The following PEAK1 variants were observed in gnomAD, a reference collection of about 807,000 sequenced individuals.
PEAK1 encodes the protein inactive tyrosine-protein kinase PEAK1.
Under a neutral mutation model 124.7 loss-of-function variants are expected in PEAK1, and 54 were observed. The ratio of observed to expected loss-of-function variants is 0.43; its 90% confidence interval spans 0.35 to 0.54. PEAK1 has a LOEUF of 0.54. Among genes scored for constraint, PEAK1 ranks in the 20% least tolerant of loss-of-function variants. The pLI, the probability that PEAK1 is intolerant of heterozygous loss-of-function variation, is 0.01. For missense variants in PEAK1, 2,046 were observed against 2,134.5 expected, an observed-to-expected ratio of 0.96 and a Z score of 0.82; for synonymous variants, 719 against 760.0, an observed-to-expected ratio of 0.95 and a Z score of 0.89.
chr15:77,109,663 C>T lies in PEAK1; in HGVS notation c.*4493G>A, dbSNP rs2050873747. 1 of 152,206 alleles carries T rather than the reference C, an allele frequency of 6.6e-6. No homozygotes were observed. The highest frequency in any genetic ancestry group is 2.1e-4 in the South Asian group (1 of 4,828). The allele number at this position is 152,206 out of a possible 1,614,324, so 9.4% of individuals were successfully genotyped here. A position where few individuals can be genotyped will look rare whatever the true frequency, so the allele number is the denominator to read the frequency against. On this transcript the variant is annotated 3_prime_UTR_variant, in exon 10 of 10. Coordinates refer to ENST00000682557, the MANE Select transcript of PEAK1 (RefSeq NM_001385026.1). ...AGCAGCACTTGGATTTGTCTCGGCA[C>T]AGCACTTTGGGCCTTTGAGAATATG... is the stretch of plus-strand genomic sequence containing the variant.
chr15:77,133,225 A>G lies in PEAK1; in HGVS notation c.3857T>C (p.Val1286Ala). ...LYRGLENREE[V>A]VGKIRSLHTD... Reference sequence around the variant, plus strand: ...ATGAAGGCTTCGGATTTTACCCACTACTTCCTCCCGATTCTCAAGTCCTCG... The same window carrying G: ...ATGAAGGCTTCGGATTTTACCCACTGCTTCCTCCCGATTCTCAAGTCCTCG... Residue 1286 changes from valine to alanine, a missense_variant, in exon 9 of 10, where the codon GTA (valine) becomes GCA (alanine). By Grantham distance (64) the Val-to-Ala change is moderately conservative. Coordinates refer to ENST00000682557, the MANE Select transcript of PEAK1 (RefSeq NM_001385026.1). The surrounding 1 kb of genome is among the most constrained non-coding windows in gnomAD (Gnocchi z 4.2). The G allele has an allele frequency of 1.9e-6, 3 of 1,613,976 alleles. No homozygotes were observed. Among genetic ancestry groups the G allele is most frequent in the Non-Finnish European group, 2.5e-6 (3 of 1,179,994 alleles).
At chr15:77,263,203 C>T (rs147455502) in intron 5 of PEAK1, among the ~76,000 whole-genome samples, 385 of 152,044 alleles carry the variant, frequency 2.5e-3, no homozygotes, top group South Asian at 5.6e-3. Flanking sequence ...ACTAGAGAAG[C>T]AAGAGGAAAC....
intron 5 of PEAK1, among the ~76,000 whole-genome samples, chr15:77,267,492 T>C (rs754241175): frequency 6.6e-5 from 10 of 152,160 alleles, no homozygotes; most frequent in Non-Finnish European, 1.5e-4. Flanking sequence ...AGAGCAGGTG[T>C]TGGTATCCAT....
At chr15:77,347,526 C>T (rs2066939265) in intron 2 of PEAK1, 1 of 985,240 alleles carries the variant, frequency 1.0e-6, no homozygotes, top group Non-Finnish European at 1.2e-6. Flanking sequence ...CGTTAAAGCA[C>T]AGCACTCATA....
intron 6 of PEAK1, among the ~76,000 whole-genome samples, chr15:77,244,564 T>C (rs1415112301): frequency 6.6e-6 from 1 of 151,884 alleles, no homozygotes; most frequent in South Asian, 2.1e-4. Context: ...TTATTACTTA[T>C]ATATGATTTC....
intron 2 of PEAK1, among the ~76,000 whole-genome samples, chr15:77,363,475 T>C (rs1239073929): frequency 2.6e-5 from 4 of 152,140 alleles, no homozygotes; most frequent in Non-Finnish European, 5.9e-5. Context: ...CCTCCACTCC[T>C]AGCCTTTGCA....
chr15:77,164,948 G>A (rs1195679484), intron 7 of PEAK1, among the ~76,000 whole-genome samples: 1 of 151,484 alleles, frequency 6.6e-6, no homozygotes, highest in East Asian at 1.9e-4. Context: ...TTGTCGCCCA[G>A]GGTGGAGTGC....
rs376870127 is a variant in PEAK1 at position 77,115,172 on chromosome 15, C to G, written c.4225G>C (p.Asp1409His). The G allele has an allele frequency of 1.2e-5, 20 of 1,614,044 alleles. No homozygotes were observed. Among genetic ancestry groups the G allele is most frequent in the Non-Finnish European group, 1.7e-5 (20 of 1,180,026 alleles). The stretch of plus-strand genomic sequence containing the variant: ...TCATCCTCATCCTTTTCAGGGTCAT[C>G]TGGATCCTCCCAGGGAAGCAGACGG... Reference protein sequence around the residue: ...PNRLLPWEDPDDPEKDEDDME... With the variant: ...PNRLLPWEDPHDPEKDEDDME... Residue 1409 changes from aspartate (D) to histidine (H), a missense_variant, in exon 10 of 10, where the codon GAT (aspartate) becomes CAT (histidine). Asp to His is a moderately conservative substitution (Grantham distance 81). Transcript: ENST00000682557.
chr15:77,288,877 C>A (rs1294736049), intron 2 of PEAK1, among the ~76,000 whole-genome samples: 9 of 145,720 alleles, frequency 6.2e-5, no homozygotes, highest in Non-Finnish European at 1.2e-4. Flanking sequence ...TGCAGTGAGC[C>A]GAGATAGTGC....
intron 2 of PEAK1, chr15:77,335,828 T>G: frequency 1.0e-6 from 1 of 985,378 alleles, no homozygotes; most frequent in Non-Finnish European, 1.2e-6. Context: ...TTCTAGGTAA[T>G]GGTTTCCAAT....
At chr15:77,348,482 T>G in intron 2 of PEAK1, 1 of 958,532 alleles carries the variant, frequency 1.0e-6, no homozygotes, top group South Asian at 4.8e-5. Context: ...CTAAACACAA[T>G]GTAAACAATA....
chr15:77,270,494 A>G (rs891993195), intron 5 of PEAK1, among the ~76,000 whole-genome samples: 1 of 152,178 alleles, frequency 6.6e-6, no homozygotes, highest in African/African-American at 2.4e-5. Flanking sequence ...ACAGACAAAC[A>G]GAGAGCCAAA....
At chr15:77,300,396 G>T (rs969502787) in intron 2 of PEAK1, among the ~76,000 whole-genome samples, 1 of 152,126 alleles carries the variant, frequency 6.6e-6, no homozygotes, top group Non-Finnish European at 1.5e-5. Flanking sequence ...TGCTTTTGAG[G>T]GGTGGAATAT....
intron 8 of PEAK1, among the ~76,000 whole-genome samples, chr15:77,149,409 G>A (rs2054411423): frequency 6.6e-6 from 1 of 152,186 alleles, no homozygotes. Context: ...AGGATCTAAA[G>A]CCATTGCGTT....
intron 1 of PEAK1, among the ~76,000 whole-genome samples, chr15:77,406,137 C>T (rs999739060): frequency 6.6e-5 from 10 of 152,216 alleles, no homozygotes; most frequent in East Asian, 1.9e-4. Context: ...AATCTGGAAA[C>T]GAACGAGCTC....
chr15:77,266,507 A>G (rs966956649), intron 5 of PEAK1, among the ~76,000 whole-genome samples: 2 of 152,172 alleles, frequency 1.3e-5, no homozygotes, highest in South Asian at 4.1e-4. Flanking sequence ...CTATTTAAAG[A>G]GACCTGCCAA....
intron 9 of PEAK1, among the ~76,000 whole-genome samples, chr15:77,132,206 G>A (rs2052922799): frequency 6.6e-6 from 1 of 151,760 alleles, no homozygotes; most frequent in Admixed American, 6.6e-5. Flanking sequence ...TCAGCCTCCT[G>A]GGTGGCTGGG....
At chr15:77,106,151 T>A (rs1433730520), downstream of PEAK1, 2 of 152,116 alleles carry the variant, frequency 1.3e-5, no homozygotes, top group Admixed American at 1.3e-4. Context: ...TGGACCAAAC[T>A]GGGGGTCAGG....
rs1222861977 is a variant in PEAK1 at position 77,121,252 on chromosome 15, G to A, written c.4078-5933C>T. On this transcript the variant is annotated intron_variant, in intron 9 of 9. Transcript: ENST00000682557. ...TTCCTCCCTCCTCTGACATTTTTTT[G>A]TCTATCTTACAAGCAGATACTTGTA... is the stretch of plus-strand genomic sequence containing the variant. Among the ~76,000 whole-genome samples, 4 of 151,666 alleles carry A rather than the reference G, an allele frequency of 2.6e-5. No homozygotes were observed. In the East Asian group the frequency reaches 5.8e-4, roughly 22 times the overall value.
Sources: allele counts gnomAD v4.1 joint callset (sites outside exome capture counted in the v4.1 genomes callset), GRCh38; gene constraint gnomAD v4.1.1; non-coding constraint Gnocchi (gnomAD v3.1); transcripts MANE v1.5; gene names NCBI Gene and HGNC (gene_info 2026-07-23, HGNC 2026-07-21).